B3GALT1: variants seen among roughly 807,000 people sequenced by gnomAD.
B3GALT1 encodes the protein UDP-Gal:betaGlcNAc beta 1,3-galactosyltransferase, polypeptide 1.
A neutral mutation model predicts 23.2 loss-of-function variants in B3GALT1; 10 were observed. The observed-to-expected ratio is 0.43, with a 90% CI of 0.27 to 0.73. The LOEUF is 0.73. Among genes scored for constraint, B3GALT1 ranks in the 30% least tolerant of loss-of-function variants. B3GALT1 has a pLI of 0.21. For missense variants in B3GALT1, 299 were observed against 405.4 expected, an observed-to-expected ratio of 0.74 and a Z score of 2.25; for synonymous variants, 156 against 141.5, an observed-to-expected ratio of 1.10 and a Z score of -0.73.
Position 167,469,488 on chromosome 2 carries a change from A to G in B3GALT1, c.-510-20689A>G, listed in dbSNP as rs57296319. ...GTTGAAAATTAAAATGGTTTTATTC[A>G]CTTATATTGTCTGTCCAAATAATCA... On this transcript the variant is annotated intron_variant, in intron 1 of 4. Transcript: ENST00000392690. Among the ~76,000 whole-genome samples the G allele has an allele frequency of 3.5e-3, 540 of 152,314 alleles. 3 individuals are homozygous for G. Among genetic ancestry groups the G allele is most frequent in the African/African-American group, 0.013 (528 of 41,572 alleles).
chr2:167,370,266 T>C (rs2105268904), intron 1 of B3GALT1, among the ~76,000 whole-genome samples: 1 of 152,346 alleles, frequency 6.6e-6, no homozygotes, highest in Admixed American at 6.5e-5. Context: ...TCCATTGAAC[T>C]GTTGTGCCTG....
chr2:167,798,210 A>G (rs836672), intron 3 of B3GALT1, among the ~76,000 whole-genome samples: 68,334 of 152,058 alleles, frequency 0.45, 17,731 homozygotes, highest in African/African-American at 0.7. Context: ...TGGATAGATT[A>G]CAAAAATTTT....
chr2:167,865,946 C>T (rs908339731), intron 4 of B3GALT1, among the ~76,000 whole-genome samples: 1 of 152,144 alleles, frequency 6.6e-6, no homozygotes, highest in Admixed American at 6.5e-5. Context: ...CACCATCTGA[C>T]CCCTGCTAAT....
chr2:167,509,450 A>G (rs1699971180), intron 2 of B3GALT1, among the ~76,000 whole-genome samples: 1 of 151,926 alleles, frequency 6.6e-6, no homozygotes, highest in Admixed American at 6.6e-5. Flanking sequence ...GTGTGTGTGT[A>G]ATAAATAAGG....
intron 2 of B3GALT1, among the ~76,000 whole-genome samples, chr2:167,578,092 T>C (rs1345203203): frequency 6.6e-6 from 1 of 151,956 alleles, no homozygotes; most frequent in African/African-American, 2.4e-5. Flanking sequence ...TGTTAGTGAA[T>C]GGATTTTATT....
intron 3 of B3GALT1, among the ~76,000 whole-genome samples, chr2:167,743,246 G>A (rs967207117): frequency 6.6e-5 from 10 of 152,002 alleles, no homozygotes; most frequent in African/African-American, 2.2e-4. Context: ...TCTCGAGTAT[G>A]TACCTAGGAG....
At chr2:167,739,553 G>A (rs778344999) in intron 3 of B3GALT1, among the ~76,000 whole-genome samples, 11 of 152,206 alleles carry the variant, frequency 7.2e-5, no homozygotes, top group Non-Finnish European at 1.5e-4. Flanking sequence ...ACATATTTTT[G>A]GGTATTTAGC....
intron 2 of B3GALT1, among the ~76,000 whole-genome samples, chr2:167,547,511 A>C (rs1450961624): frequency 6.6e-6 from 1 of 152,058 alleles, no homozygotes; most frequent in Admixed American, 6.6e-5. Flanking sequence ...CCTGGCCAAC[A>C]TGGCAAAACC....
chr2:167,639,805 A>T (rs1303950293), intron 2 of B3GALT1, among the ~76,000 whole-genome samples: 1 of 152,088 alleles, frequency 6.6e-6, no homozygotes, highest in African/African-American at 2.4e-5. Context: ...AGAAATAATT[A>T]AGTTGACATC....
At chr2:167,743,179 A>AT (rs1016503244) in intron 3 of B3GALT1, among the ~76,000 whole-genome samples, 30 of 152,024 alleles carry the variant, frequency 2.0e-4, no homozygotes, top group African/African-American at 5.8e-4. Flanking sequence ...CTACTAATAG[A>AT]TTTTTTCCTT....
intron 2 of B3GALT1, among the ~76,000 whole-genome samples, chr2:167,545,065 C>A (rs1384563288): frequency 3.8e-5 from 4 of 104,944 alleles, no homozygotes; most frequent in Non-Finnish European, 6.9e-5. Flanking sequence ...GAGACAGTCT[C>A]GCTCTGTCGC....
chr2:167,572,041 A>T (rs1574146168), intron 2 of B3GALT1, among the ~76,000 whole-genome samples: 1 of 151,980 alleles, frequency 6.6e-6, no homozygotes, highest in East Asian at 1.9e-4. Flanking sequence ...ATGCAATGTT[A>T]AATCAGTATG....
At chr2:167,422,986 A>G (rs1698570937) in intron 1 of B3GALT1, among the ~76,000 whole-genome samples, 1 of 152,202 alleles carries the variant, frequency 6.6e-6, no homozygotes, top group African/African-American at 2.4e-5. Context: ...TCCATGCCAT[A>G]GAATTGCAGC....
At chr2:167,626,933 G>C (rs1417335362) in intron 2 of B3GALT1, among the ~76,000 whole-genome samples, 2 of 151,660 alleles carry the variant, frequency 1.3e-5, no homozygotes, top group African/African-American at 2.4e-5. Flanking sequence ...TACTCAGGTA[G>C]TTTTCTTCAA....
At position 167,376,484 on chromosome 2, in the gene B3GALT1, G is replaced by A. The variant is rs796147618; in HGVS notation, c.-511+83150G>A. On this transcript the variant is annotated intron_variant, in intron 1 of 4. Transcript: ENST00000392690. ...TCCATCTGGTCCAGGGCTTTCTTGGGTTGGTAGGTTTTTTATTAGTGATTC... is the reference window on the plus strand; with the variant it reads ...TCCATCTGGTCCAGGGCTTTCTTGGATTGGTAGGTTTTTTATTAGTGATTC... Among the ~76,000 whole-genome samples, 16 of 152,184 alleles carry A rather than the reference G, an allele frequency of 1.1e-4. 1 individual carries two copies. Among genetic ancestry groups the A allele is most frequent in the African/African-American group, 3.9e-4 (16 of 41,550 alleles).
At chr2:167,631,559 T>C (rs1685445536) in intron 2 of B3GALT1, 1 of 151,810 alleles carries the variant, frequency 6.6e-6, no homozygotes, top group African/African-American at 2.4e-5. Flanking sequence ...TTTAAAAATT[T>C]TTTTTACTAA....
intron 4 of B3GALT1, among the ~76,000 whole-genome samples, chr2:167,848,872 A>G (rs543768159): frequency 6.6e-6 from 1 of 152,348 alleles, no homozygotes; most frequent in South Asian, 2.1e-4. Context: ...AAGCTCCTAG[A>G]ACTGATGAAA....
At chr2:167,610,537 T>C (rs1445313323) in intron 2 of B3GALT1, among the ~76,000 whole-genome samples, 1 of 152,104 alleles carries the variant, frequency 6.6e-6, no homozygotes, top group Non-Finnish European at 1.5e-5. Context: ...CAGATTCTCC[T>C]GCTTAAAGGT....
chr2:167,329,737 A>G (rs1696944407), intron 1 of B3GALT1, among the ~76,000 whole-genome samples: 1 of 152,130 alleles, frequency 6.6e-6, no homozygotes, highest in African/African-American at 2.4e-5. Flanking sequence ...TTTTCTGGGA[A>G]AGACTTTATT....
Sources: gnomAD v4.1 joint callset for allele counts (sites outside exome capture counted in the v4.1 genomes callset) on GRCh38, gnomAD v4.1.1 for gene constraint, MANE v1.5 for transcripts, NCBI Gene and HGNC (gene_info 2026-07-23, HGNC 2026-07-21) for gene names.